Variants in ANKS1A observed in about 807,000 individuals in gnomAD.
ANKS1A encodes the protein ankyrin repeat and sterile alpha motif domain containing 1A.
In ANKS1A, 55 loss-of-function variants were observed where a neutral mutation model predicts 120.3. The observed-to-expected ratio is 0.46, with a 90% CI of 0.37 to 0.57. The LOEUF (loss-of-function observed/expected upper bound fraction) is 0.57. Ranked by LOEUF, ANKS1A falls within the 20% of genes least tolerant of loss-of-function variation. ANKS1A has a pLI of 0.00. For missense variants in ANKS1A, 1,123 were observed against 1,480.3 expected (o/e 0.76, Z 3.96); for synonymous variants, 590 against 604.7 (o/e 0.98, Z 0.36).
intron 3 of ANKS1A, among the ~76,000 whole-genome samples, chr6:34,978,805 CAAAAA>C (rs67799235): frequency 4.1e-5 from 4 of 96,904 alleles, no homozygotes; most frequent in East Asian, 3.2e-4. Context: ...AACTCCGTCT[CAAAAA>C]AAAAAAAAAA....
intron 10 of ANKS1A, among the ~76,000 whole-genome samples, chr6:35,009,069 A>G (rs1773607548): frequency 6.6e-6 from 1 of 152,174 alleles, no homozygotes; most frequent in Non-Finnish European, 1.5e-5. Context: ...TCCCGAGACA[A>G]TGCAGTGTTG....
Position 34,969,950 on chromosome 6 carries a change from A to T in ANKS1A, c.279-60A>T, listed in dbSNP as rs1771098038. ...GGCTTTGTGCCATATAGGTGTAAAGAGCTGTTAGCTGGAAAGACTTCTGAG... is the reference window on the plus strand; with the variant it reads ...GGCTTTGTGCCATATAGGTGTAAAGTGCTGTTAGCTGGAAAGACTTCTGAG... On this transcript the variant is annotated intron_variant, in intron 2 of 23. Transcript: ENST00000360359. The T allele has an allele frequency of 3.2e-6, 5 of 1,580,134 alleles. No homozygotes were observed. In the South Asian group the frequency reaches 5.9e-5, roughly 19 times the overall value.
chr6:35,086,844 C>G lies in ANKS1A; in HGVS notation c.3304-108C>G, dbSNP rs933377744. 9.0e-6 allele frequency: 10 copies of G among 1,116,752 alleles called. No individual in the cohort carries two copies. In the African/African-American group the frequency reaches 1.5e-4, roughly 17 times the overall value. 69.2% of individuals were successfully genotyped at this position (1,116,752 alleles called of 1,614,324 possible). ...TTTGGCCGAGGAGAATAAGGGCTGC[C>G]CCTCCCAGCACAGGGGCCACAGCCT... On this transcript the variant is annotated intron_variant, in intron 22 of 23. Coordinates refer to ENST00000360359, the MANE Select transcript of ANKS1A (RefSeq NM_015245.3). This position sits in a 1 kb window ranked among gnomAD's most constrained non-coding sequence, Gnocchi z 5.1.
chr6:34,908,793 TCACC>T (rs1767763948), intron 1 of ANKS1A, among the ~76,000 whole-genome samples: 2 of 151,988 alleles, frequency 1.3e-5, no homozygotes, highest in African/African-American at 4.8e-5. Flanking sequence ...CAGGACAGAG[TCACC>T]GTTTTAAGTA....
At chr6:35,070,074 C>G (rs914401830) in intron 13 of ANKS1A, among the ~76,000 whole-genome samples, 6 of 149,472 alleles carry the variant, frequency 4.0e-5, no homozygotes, top group African/African-American at 1.5e-4. Context: ...GTTGCTCAGG[C>G]TGGTCTCAAA....
At chr6:35,076,162 G>A (rs1166048676) in intron 13 of ANKS1A, among the ~76,000 whole-genome samples, 3 of 152,134 alleles carry the variant, frequency 2.0e-5, no homozygotes, top group South Asian at 2.1e-4. Flanking sequence ...AGTGGCTCAC[G>A]CCTGTAATCC....
At chr6:35,017,340 C>G in intron 10 of ANKS1A, 133 bp from the exon 11 acceptor site, 1 of 895,914 alleles carries the variant, frequency 1.1e-6, no homozygotes, top group Non-Finnish European at 1.7e-6. Context: ...CTCTCCCCCT[C>G]CCCAGCCTAT....
intron 1 of ANKS1A, among the ~76,000 whole-genome samples, chr6:34,900,929 A>G (rs925529359): frequency 1.3e-5 from 2 of 152,130 alleles, no homozygotes; most frequent in Non-Finnish European, 2.9e-5. Flanking sequence ...ATAATATATT[A>G]GTTTAGAGAA....
intron 1 of ANKS1A, among the ~76,000 whole-genome samples, chr6:34,904,696 C>A (rs1474600911): frequency 6.6e-6 from 1 of 152,234 alleles, no homozygotes; most frequent in Non-Finnish European, 1.5e-5. Context: ...TTCGCCACTG[C>A]ACTCCACCCT....
chr6:34,926,563 AG>A (rs1457137902), intron 1 of ANKS1A, among the ~76,000 whole-genome samples: 1 of 152,138 alleles, frequency 6.6e-6, no homozygotes, highest in Non-Finnish European at 1.5e-5. Context: ...GTGGACTTTG[AG>A]GTGCAAAGTA....
chr6:35,089,099 G>A lies in ANKS1A; in HGVS notation c.*490G>A, dbSNP rs930263912. The stretch of plus-strand genomic sequence containing the variant: ...GCGGTGGCCTGTGGGTGAGGGGAAC[G>A]GAGCAGGCTCAGGCAGAATTGAGTA... On this transcript the variant is annotated 3_prime_UTR_variant, in exon 24 of 24. Transcript: ENST00000360359. The A allele has an allele frequency of 7.7e-6, 8 of 1,043,170 alleles. No individual in the cohort carries two copies. In the South Asian group the frequency reaches 1.4e-4, roughly 19 times the overall value. 64.6% of individuals were successfully genotyped at this position (1,043,170 alleles called of 1,614,324 possible).
chr6:34,925,358 C>G (rs1006843417), intron 1 of ANKS1A, among the ~76,000 whole-genome samples: 1 of 152,134 alleles, frequency 6.6e-6, no homozygotes, highest in Non-Finnish European at 1.5e-5. Context: ...CAGATGACAT[C>G]AAGGGTGAGG....
At chr6:34,994,036 A>G (rs558294010) in intron 9 of ANKS1A, among the ~76,000 whole-genome samples, 2 of 152,218 alleles carry the variant, frequency 1.3e-5, no homozygotes, top group East Asian at 3.9e-4. Context: ...CTGTGGCACA[A>G]TCCTGGTTCA....
At chr6:34,994,219 C>T (rs957244931) in intron 9 of ANKS1A, 83 bp from the exon 10 acceptor site, 7 of 1,519,746 alleles carry the variant, frequency 4.6e-6, no homozygotes, top group Non-Finnish European at 6.2e-6. Flanking sequence ...GAAAAAAGAG[C>T]CAATAATCTC....
intron 1 of ANKS1A, among the ~76,000 whole-genome samples, chr6:34,964,221 T>C (rs1042725537): frequency 6.6e-6 from 1 of 152,224 alleles, no homozygotes; most frequent in East Asian, 1.9e-4. Flanking sequence ...ATTTTGACTT[T>C]TTTGTCTTCT....
chr6:35,087,718 G>A (rs6899618), intron 23 of ANKS1A, among the ~76,000 whole-genome samples: 27,332 of 152,240 alleles, frequency 0.18, 3,059 homozygotes, highest in African/African-American at 0.29. Flanking sequence ...TGCTTTCTGT[G>A]AGGGCCCAAG....
rs931159100 is a variant in ANKS1A, at chr6:35,085,349, T to C, written c.3133-417T>C. Among the ~76,000 whole-genome samples, 1 of 152,030 alleles carries C rather than the reference T, an allele frequency of 6.6e-6. No homozygotes were observed. Among genetic ancestry groups the C allele is most frequent in the African/African-American group, 2.4e-5 (1 of 41,360 alleles). ...CTAACAATCACTGTGCTGTGTAAAATCACACAAGGAAAACCACAGGGTTTA... is the reference window on the plus strand; with the variant it reads ...CTAACAATCACTGTGCTGTGTAAAACCACACAAGGAAAACCACAGGGTTTA... On this transcript the variant is annotated intron_variant, in intron 21 of 23. Coordinates refer to ENST00000360359, the MANE Select transcript of ANKS1A (RefSeq NM_015245.3). The surrounding 1 kb of genome is among the most constrained non-coding windows in gnomAD (Gnocchi z 4.7).
Position 35,083,489 on chromosome 6 carries a change from G to A in ANKS1A, c.2980G>A (p.Asp994Asn), listed in dbSNP as rs201592159. The change falls in exon 20 of 24, where the codon GAT (aspartate) becomes AAT (asparagine). Residue 994 changes from aspartate to asparagine, a missense_variant. Asp to Asn is a conservative substitution (Grantham distance 23). Around this residue, in one of 3 missense-constraint regions of ANKS1A, gnomAD observed 904 missense variants for 1,130.4 expected, o/e 0.80. Coordinates refer to ENST00000360359, the MANE Select transcript of ANKS1A (RefSeq NM_015245.3). ...SITYKGVKFI[D>N]ASNKNVIAEH... Reference sequence around the variant, plus strand: ...CACATACAAAGGTGTCAAGTTCATCGATGCCTCCAACAAGGTGTGCTGCTT... The same window carrying A: ...CACATACAAAGGTGTCAAGTTCATCAATGCCTCCAACAAGGTGTGCTGCTT... 39 of 1,613,858 alleles carry A rather than the reference G, an allele frequency of 2.4e-5. No homozygotes were observed. The highest frequency in any genetic ancestry group is 3.1e-5 in the Non-Finnish European group (37 of 1,179,948).
intron 1 of ANKS1A, among the ~76,000 whole-genome samples, chr6:34,964,783 T>C (rs960106831): frequency 2.0e-5 from 3 of 152,210 alleles, no homozygotes; most frequent in Non-Finnish European, 4.4e-5. Context: ...TGAATCCTAT[T>C]TTTGGTTTTG....
Sources: allele counts gnomAD v4.1 joint callset (sites outside exome capture counted in the v4.1 genomes callset), GRCh38; gene constraint gnomAD v4.1.1; regional missense constraint gnomAD v4.1.1; non-coding constraint Gnocchi (gnomAD v3.1); transcripts MANE v1.5; gene names NCBI Gene and HGNC (gene_info 2026-07-23, HGNC 2026-07-21).